SNX7: variants seen among roughly 807,000 people sequenced by gnomAD.
The protein encoded by SNX7 is sorting nexin-7.
A neutral mutation model predicts 48.4 loss-of-function variants in SNX7; 35 were observed. The ratio of observed to expected loss-of-function variants is 0.72; its 90% CI spans 0.55 to 0.96. The LOEUF is 0.96. Among genes scored for constraint, SNX7 ranks in the 40% least tolerant of loss-of-function variants. SNX7 has a pLI of 0.00. For missense variants in SNX7, 553 were observed against 548.9 expected (o/e 1.01, Z -0.07); for synonymous variants, 190 against 190.2 (o/e 1.00, Z 0.01).
At chr1:98,667,756 G>A (rs759388937) in intron 1 of SNX7, among the ~76,000 whole-genome samples, 26 of 151,924 alleles carry the variant, frequency 1.7e-4, no homozygotes, top group Non-Finnish European at 3.7e-4. Flanking sequence ...TATTGCCTAA[G>A]GCAAGTAACT....
chr1:98,697,773 T>C (rs966592523), intron 5 of SNX7, among the ~76,000 whole-genome samples: 37 of 152,160 alleles, frequency 2.4e-4, no homozygotes, highest in African/African-American at 8.2e-4. Flanking sequence ...AATAGAAGTA[T>C]AAAATTATGA....
chr1:98,752,431 A>G (rs904751887), intron 8 of SNX7, among the ~76,000 whole-genome samples: 3 of 152,052 alleles, frequency 2.0e-5, no homozygotes, highest in Non-Finnish European at 2.9e-5. Context: ...TCGGCTATCA[A>G]GAATCCCAAA....
intron 2 of SNX7, among the ~76,000 whole-genome samples, chr1:98,685,820 A>G (rs1344622056): frequency 6.6e-6 from 1 of 152,086 alleles, no homozygotes; most frequent in East Asian, 1.9e-4. Context: ...CCACACTGCT[A>G]TTAGTTATGT....
chr1:98,666,226 T>C (rs1266235168), intron 1 of SNX7, among the ~76,000 whole-genome samples: 1 of 152,166 alleles, frequency 6.6e-6, no homozygotes, highest in Non-Finnish European at 1.5e-5. Context: ...GCAGAGTTAG[T>C]GAACAAACAA....
At chr1:98,715,969 T>C (rs1168789002) in intron 7 of SNX7, among the ~76,000 whole-genome samples, 3 of 152,140 alleles carry the variant, frequency 2.0e-5, no homozygotes, top group African/African-American at 4.8e-5. Flanking sequence ...TATTTACATA[T>C]ATATAAAAAC....
intron 1 of SNX7, among the ~76,000 whole-genome samples, chr1:98,663,042 TTA>T (rs1333114161): frequency 4.6e-5 from 7 of 152,226 alleles, no homozygotes; most frequent in Non-Finnish European, 1.0e-4. Flanking sequence ...TGGAATTATT[TTA>T]TGTTTAGTTG....
intron 7 of SNX7, among the ~76,000 whole-genome samples, chr1:98,712,738 C>T (rs1284749213): frequency 6.6e-6 from 1 of 152,126 alleles, no homozygotes; most frequent in African/African-American, 2.4e-5. Flanking sequence ...TCCTTTGAAG[C>T]TAGGCATTGA....
chr1:98,698,707 A>G lies in SNX7; in HGVS notation c.840A>G (p.Glu280=). 6.3e-7 allele frequency: 1 copy of G among 1,595,594 alleles called. No homozygotes were observed. The highest frequency in any genetic ancestry group is 8.5e-7 in the Non-Finnish European group (1 of 1,172,696). The part of the protein sequence containing the change: ...ISQRIYKEER[E]YFDEMKEYGP... ...TATTAAGTCTTTTTTTTTTTTTAGAATATTTTGATGAAATGAAAGAATATG... is the reference window on the plus strand; with the variant it reads ...TATTAAGTCTTTTTTTTTTTTTAGAGTATTTTGATGAAATGAAAGAATATG... Residue 280 remains glutamate, a splice_region_variant and synonymous_variant, in exon 6 of 9, where the codon GAA becomes GAG. Coordinates refer to ENST00000306121, the MANE Select transcript of SNX7 (RefSeq NM_015976.5).
At position 98,698,715 on chromosome 1, in the gene SNX7, A is replaced by G; in HGVS notation, c.848A>G (p.Asp283Gly). Residue 283 changes from aspartate (D) to glycine (G), a missense_variant, in exon 6 of 9, where the codon GAT becomes GGT. By Grantham distance (94) the Asp-to-Gly change is moderately conservative. Coordinates refer to ENST00000306121, the MANE Select transcript of SNX7 (RefSeq NM_015976.5). ...CTTTTTTTTTTTTTAGAATATTTTG[A>G]TGAAATGAAAGAATATGGCCCAATT... Reference protein sequence around the residue: ...RIYKEEREYFDEMKEYGPIHI... With the variant: ...RIYKEEREYFGEMKEYGPIHI... 1 of 1,597,616 alleles carries G rather than the reference A, an allele frequency of 6.3e-7. No homozygotes were observed. Among genetic ancestry groups the G allele is most frequent in the Non-Finnish European group, 8.5e-7 (1 of 1,172,310 alleles).
chr1:98,724,194 T>G (rs1293709122), intron 7 of SNX7, among the ~76,000 whole-genome samples: 2 of 152,106 alleles, frequency 1.3e-5, no homozygotes, highest in Non-Finnish European at 2.9e-5. Context: ...AATTGTACAT[T>G]TCTTATTATT....
intron 7 of SNX7, among the ~76,000 whole-genome samples, chr1:98,711,131 C>G (rs1016099174): frequency 6.6e-6 from 1 of 152,128 alleles, no homozygotes; most frequent in Non-Finnish European, 1.5e-5. Flanking sequence ...ATTCTCCTGC[C>G]TCAGCCTCCC....
intron 8 of SNX7, among the ~76,000 whole-genome samples, chr1:98,745,889 A>G (rs1306311175): frequency 2.0e-5 from 3 of 152,084 alleles, no homozygotes; most frequent in Non-Finnish European, 2.9e-5. Flanking sequence ...CAACACATTT[A>G]ATAGAGTTTT....
intron 7 of SNX7, among the ~76,000 whole-genome samples, chr1:98,713,122 A>G (rs1258555108): frequency 9.5e-5 from 14 of 147,758 alleles, no homozygotes; most frequent in Admixed American, 6.8e-4. Flanking sequence ...ACTTGTCTAC[A>G]TTGAAAATCT....
chr1:98,708,249 C>T (rs904095536), intron 7 of SNX7, among the ~76,000 whole-genome samples: 1 of 152,192 alleles, frequency 6.6e-6, no homozygotes, highest in Admixed American at 6.6e-5. Flanking sequence ...TACACACACA[C>T]ACAGCAGTAA....
intron 8 of SNX7, among the ~76,000 whole-genome samples, chr1:98,754,691 T>C (rs772345479): frequency 2.6e-5 from 4 of 152,004 alleles, no homozygotes; most frequent in Non-Finnish European, 4.4e-5. Flanking sequence ...GCAATTTATG[T>C]CATCTCTTTT....
intron 5 of SNX7, among the ~76,000 whole-genome samples, chr1:98,698,054 T>C (rs1302990655): frequency 2.0e-5 from 3 of 152,164 alleles, no homozygotes; most frequent in Non-Finnish European, 4.4e-5. Context: ...ACTAATTTAA[T>C]TTAACTAATT....
At chr1:98,753,224 G>C (rs894691760) in intron 8 of SNX7, among the ~76,000 whole-genome samples, 1 of 152,034 alleles carries the variant, frequency 6.6e-6, no homozygotes, top group Non-Finnish European at 1.5e-5. Flanking sequence ...TCCTATGTCA[G>C]TTGTTCTATA....
chr1:98,752,429 C>T (rs1287486834), intron 8 of SNX7, among the ~76,000 whole-genome samples: 1 of 151,936 alleles, frequency 6.6e-6, no homozygotes. Flanking sequence ...AATCGGCTAT[C>T]AAGAATCCCA....
intron 1 of SNX7, among the ~76,000 whole-genome samples, chr1:98,682,661 T>G (rs1407044727): frequency 6.6e-6 from 1 of 152,160 alleles, no homozygotes; most frequent in African/African-American, 2.4e-5. Context: ...TTCCCAAGAT[T>G]CCTCCTTTAT....
Sources: allele counts gnomAD v4.1 joint callset (sites outside exome capture counted in the v4.1 genomes callset), GRCh38; gene constraint gnomAD v4.1.1; transcripts MANE v1.5; gene names NCBI Gene and HGNC (gene_info 2026-07-23, HGNC 2026-07-21).